SCAPER: variants seen among roughly 807,000 people sequenced by gnomAD.
The protein encoded by SCAPER is S-phase cyclin A associated protein in the ER.
Under a neutral mutation model 182.2 loss-of-function variants are expected in SCAPER, and 98 were observed. The ratio of observed to expected loss-of-function variants is 0.54; its 90% CI spans 0.46 to 0.64. The LOEUF (loss-of-function observed/expected upper bound fraction) is 0.64. Ranked by LOEUF, SCAPER falls within the 30% of genes least tolerant of loss-of-function variation. SCAPER has a pLI of 0.00. For synonymous variants in SCAPER, 605 were observed against 564.6 expected, an observed-to-expected ratio of 1.07 and a Z score of -1.01; for missense variants, 1,432 against 1,690.0, an observed-to-expected ratio of 0.85 and a Z score of 2.68.
intron 17 of SCAPER, among the ~76,000 whole-genome samples, chr15:76,725,421 A>AAG (rs1490503545): frequency 6.6e-6 from 1 of 151,802 alleles, no homozygotes; most frequent in Non-Finnish European, 1.5e-5. Flanking sequence ...ATACATTAAA[A>AAG]AAAAAAAGCC....
At chr15:76,719,843 C>T (rs867511303) in intron 17 of SCAPER, among the ~76,000 whole-genome samples, 1 of 150,676 alleles carries the variant, frequency 6.6e-6, no homozygotes, top group Non-Finnish European at 1.5e-5. Flanking sequence ...ACGTAGAAAA[C>T]GCTAAAAAAA....
chr15:76,859,349 AT>A (rs921209852), intron 3 of SCAPER, among the ~76,000 whole-genome samples: 2 of 152,232 alleles, frequency 1.3e-5, no homozygotes, highest in African/African-American at 4.8e-5. Context: ...TCCTTTAATT[AT>A]AAAAAACAAT....
At chr15:76,833,546 T>C (rs2068685970) in intron 5 of SCAPER, among the ~76,000 whole-genome samples, 2 of 152,096 alleles carry the variant, frequency 1.3e-5, no homozygotes, top group Non-Finnish European at 2.9e-5. Context: ...GGCTAAACAT[T>C]CCACTTAAAA....
chr15:76,704,633 C>T (rs1235858098), intron 18 of SCAPER, among the ~76,000 whole-genome samples: 9 of 152,044 alleles, frequency 5.9e-5, no homozygotes, highest in South Asian at 4.2e-4. Context: ...CAGATAGTTT[C>T]GCAACCTGCT....
intron 23 of SCAPER, among the ~76,000 whole-genome samples, chr15:76,531,959 T>C (rs1214923352): frequency 1.3e-5 from 2 of 152,220 alleles, no homozygotes; most frequent in Admixed American, 6.5e-5. Flanking sequence ...CTGATAGAGA[T>C]GATTAGAATA....
chr15:76,900,225 T>C (rs1409227852), intron 1 of SCAPER, among the ~76,000 whole-genome samples: 1 of 151,526 alleles, frequency 6.6e-6, no homozygotes, highest in East Asian at 1.9e-4. Flanking sequence ...GACCTCTGCC[T>C]AGGAAAACCA....
At chr15:76,699,948 AGAAAGTGGTGGGGAGAGGC>A (rs2058846842) in intron 20 of SCAPER, among the ~76,000 whole-genome samples, 2 of 152,216 alleles carry the variant, frequency 1.3e-5, no homozygotes, top group Admixed American at 1.3e-4. Context: ...TGCAGCTGCC[AGAAAGTGGTGGGGAGAGGC>A]TGTGGGTAGT....
At chr15:76,404,084 G>T (rs1229128877) in intron 27 of SCAPER, among the ~76,000 whole-genome samples, 2 of 152,174 alleles carry the variant, frequency 1.3e-5, no homozygotes, top group Admixed American at 1.3e-4. Flanking sequence ...TGGAAGAAGG[G>T]ACAGAGGGAA....
At chr15:76,630,156 A>AT (rs1567646552) in intron 21 of SCAPER, among the ~76,000 whole-genome samples, 1 of 151,934 alleles carries the variant, frequency 6.6e-6, no homozygotes, top group Non-Finnish European at 1.5e-5. Flanking sequence ...CCCATTTATT[A>AT]TTTTTTATTG....
At chr15:76,474,919 A>G (rs957266890) in intron 24 of SCAPER, among the ~76,000 whole-genome samples, 2 of 152,108 alleles carry the variant, frequency 1.3e-5, no homozygotes, top group African/African-American at 4.8e-5. Context: ...AGCCTCACCC[A>G]ATTTCCCTGA....
chr15:76,361,438 C>A (rs1214810150), intron 29 of SCAPER, among the ~76,000 whole-genome samples: 1 of 152,184 alleles, frequency 6.6e-6, no homozygotes, highest in Admixed American at 6.5e-5. Flanking sequence ...CCCAGTTTTT[C>A]CACAAAATCC....
intron 15 of SCAPER, among the ~76,000 whole-genome samples, chr15:76,745,342 G>A (rs534585020): frequency 2.0e-5 from 3 of 152,194 alleles, no homozygotes; most frequent in African/African-American, 2.4e-5. Context: ...TCAGCTACTC[G>A]GGAGGCTGAG....
intron 23 of SCAPER, among the ~76,000 whole-genome samples, chr15:76,544,939 G>C (rs2045126410): frequency 6.6e-6 from 1 of 152,224 alleles, no homozygotes; most frequent in African/African-American, 2.4e-5. Flanking sequence ...TTACAATATA[G>C]TGGTGTCATA....
At chr15:76,784,096 T>A (rs1212022112) in intron 8 of SCAPER, among the ~76,000 whole-genome samples, 1 of 152,164 alleles carries the variant, frequency 6.6e-6, no homozygotes, top group Non-Finnish European at 1.5e-5. Flanking sequence ...AGTCAAATTG[T>A]CCCTGTTTGC....
rs185624688 is a variant in SCAPER at position 76,740,640 on chromosome 15, T to C, written c.1867-7256A>G. Among the ~76,000 whole-genome samples, 775 of 152,252 alleles carry C rather than the reference T, an allele frequency of 5.1e-3. 3 individuals carry two copies. The highest frequency in any genetic ancestry group is 8.9e-3 in the Non-Finnish European group (608 of 67,998). On this transcript the variant is annotated intron_variant, in intron 15 of 31. Coordinates refer to ENST00000563290, the MANE Select transcript of SCAPER (RefSeq NM_020843.4). ...AACCAACATATAATTCAGGTAGAAA[T>C]GCCACAGGCCTAAAATATGTAAGAA... is the stretch of plus-strand genomic sequence containing the variant.
At chr15:76,545,298 T>G (rs1340003966) in intron 23 of SCAPER, among the ~76,000 whole-genome samples, 1 of 152,190 alleles carries the variant, frequency 6.6e-6, no homozygotes, top group Non-Finnish European at 1.5e-5. Flanking sequence ...CCTTGTTAAC[T>G]GGCACAAGAA....
At chr15:76,840,195 A>G (rs1010770075) in intron 5 of SCAPER, among the ~76,000 whole-genome samples, 1 of 152,154 alleles carries the variant, frequency 6.6e-6, no homozygotes, top group Non-Finnish European at 1.5e-5. Flanking sequence ...AGGTAGGAGG[A>G]TCGCTTGAGC....
At chr15:76,857,476 C>T (rs889965221) in intron 4 of SCAPER, among the ~76,000 whole-genome samples, 1 of 151,796 alleles carries the variant, frequency 6.6e-6, no homozygotes, top group African/African-American at 2.4e-5. Context: ...AAATTAACTG[C>T]CTGGGTTCAA....
chr15:76,531,844 G>A (rs1234818193), intron 23 of SCAPER, among the ~76,000 whole-genome samples: 1 of 152,124 alleles, frequency 6.6e-6, no homozygotes, highest in Non-Finnish European at 1.5e-5. Context: ...TTGTATGACT[G>A]GGTTGTGTCC....
Sources: allele counts gnomAD v4.1 joint callset (sites outside exome capture counted in the v4.1 genomes callset), GRCh38; gene constraint gnomAD v4.1.1; transcripts MANE v1.5; gene names NCBI Gene and HGNC (gene_info 2026-07-23, HGNC 2026-07-21).